The following PARD3 variants were observed in gnomAD, a reference collection of about 807,000 sequenced individuals.
The protein encoded by PARD3 is partitioning defective 3 homolog.
A neutral mutation model predicts 155.4 loss-of-function variants in PARD3; 75 were observed. The observed-to-expected ratio is 0.48, with a 90% confidence interval of 0.40 to 0.58. The LOEUF is 0.58. PARD3 is among the 20% of genes least tolerant of loss of function. The probability of loss-of-function intolerance (pLI) is 0.00; values close to 1 mark genes in which losing one functional copy is unlikely to be tolerated. For synonymous variants in PARD3, 576 were observed against 610.5 expected, an observed-to-expected ratio of 0.94 and a Z score of 0.83; for missense variants, 1,642 against 1,721.7, an observed-to-expected ratio of 0.95 and a Z score of 0.82.
chr10:34,516,200 G>A (rs1476371831), intron 3 of PARD3, among the ~76,000 whole-genome samples: 2 of 151,998 alleles, frequency 1.3e-5, no homozygotes, highest in South Asian at 2.1e-4. Context: ...CCTGACCTCA[G>A]GTGATCCGCC....
At chr10:34,371,501 A>C (rs1356980104) in intron 12 of PARD3, among the ~76,000 whole-genome samples, 6 of 79,702 alleles carry the variant, frequency 7.5e-5, no homozygotes, top group African/African-American at 4.6e-4. Flanking sequence ...AAAAAAAAAA[A>C]AAAAAAAAAA....
At chr10:34,420,953 G>A (rs964507558) in intron 5 of PARD3, among the ~76,000 whole-genome samples, 14 of 152,162 alleles carry the variant, frequency 9.2e-5, no homozygotes, top group Non-Finnish European at 2.1e-4. Context: ...AGGTCGGGGG[G>A]ATTGCTTGAG....
intron 14 of PARD3, among the ~76,000 whole-genome samples, chr10:34,355,763 C>T (rs528239037): frequency 6.6e-5 from 10 of 151,566 alleles, no homozygotes; most frequent in Non-Finnish European, 1.3e-4. Context: ...CCCATCTCTA[C>T]CAAAAATACA....
At chr10:34,700,326 C>T (rs947786668) in intron 1 of PARD3, among the ~76,000 whole-genome samples, 4 of 152,168 alleles carry the variant, frequency 2.6e-5, no homozygotes, top group African/African-American at 7.2e-5. Flanking sequence ...GGTAACTCTA[C>T]AAGATGCAAG....
At chr10:34,750,868 T>C (rs1835944878) in intron 1 of PARD3, among the ~76,000 whole-genome samples, 1 of 152,120 alleles carries the variant, frequency 6.6e-6, no homozygotes, top group Admixed American at 6.6e-5. Flanking sequence ...TTTGTATTTT[T>C]AGTAGAGACG....
At chr10:34,430,442 T>C (rs1231284241) in intron 5 of PARD3, among the ~76,000 whole-genome samples, 1 of 152,190 alleles carries the variant, frequency 6.6e-6, no homozygotes, top group African/African-American at 2.4e-5. Context: ...ATCAAAAATT[T>C]GTAGCAATCA....
At chr10:34,150,844 T>G (rs1383303101) in intron 22 of PARD3, among the ~76,000 whole-genome samples, 1 of 152,186 alleles carries the variant, frequency 6.6e-6, no homozygotes, top group African/African-American at 2.4e-5. Flanking sequence ...CTCTAAAGTA[T>G]TATCATAATT....
intron 2 of PARD3, among the ~76,000 whole-genome samples, chr10:34,614,124 TA>T (rs1339324234): frequency 6.6e-6 from 1 of 152,190 alleles, no homozygotes; most frequent in South Asian, 2.1e-4. Context: ...TTTCCTACTG[TA>T]AAAATGTATT....
At chr10:34,258,965 A>C (rs1954806938) in intron 22 of PARD3, among the ~76,000 whole-genome samples, 1 of 151,986 alleles carries the variant, frequency 6.6e-6, no homozygotes, top group Non-Finnish European at 1.5e-5. Flanking sequence ...GCTACTCGAG[A>C]GGCTGAGGTG....
chr10:34,519,711 G>A (rs12761562), intron 2 of PARD3, among the ~76,000 whole-genome samples: 1 of 152,094 alleles, frequency 6.6e-6, no homozygotes, highest in Non-Finnish European at 1.5e-5. Context: ...CTACTCGGGA[G>A]ACTGAGGCAG....
intron 22 of PARD3, among the ~76,000 whole-genome samples, chr10:34,241,356 G>A (rs1159472531): frequency 1.3e-5 from 2 of 152,168 alleles, no homozygotes; most frequent in African/African-American, 4.8e-5. Context: ...AGTGCAAGGA[G>A]GCCAGCGTGG....
At chr10:34,353,237 A>G (rs1838376478) in intron 14 of PARD3, among the ~76,000 whole-genome samples, 1 of 152,214 alleles carries the variant, frequency 6.6e-6, no homozygotes, top group Admixed American at 6.5e-5. Context: ...CTCATTGAGA[A>G]CGGGCCATGA....
intron 1 of PARD3, among the ~76,000 whole-genome samples, chr10:34,734,322 C>CTTTTTTTTTTTTT (rs142307338): frequency 1.5e-5 from 1 of 68,008 alleles, no homozygotes; most frequent in African/African-American, 6.0e-5. Context: ...ATATGGGGCC[C>CTTTTTTTTTTTTT]TTTTTTTTTT....
At chr10:34,294,675 T>C (rs181335102) in intron 20 of PARD3, among the ~76,000 whole-genome samples, 2 of 152,220 alleles carry the variant, frequency 1.3e-5, no homozygotes, top group Non-Finnish European at 2.9e-5. Flanking sequence ...GGAGCTGACA[T>C]GTTTTTAAGG....
chr10:34,677,298 T>G (rs368149111), intron 2 of PARD3, among the ~76,000 whole-genome samples: 1 of 151,484 alleles, frequency 6.6e-6, no homozygotes, highest in Non-Finnish European at 1.5e-5. Context: ...CTGGGCAACA[T>G]AGTGAGACCC....
chr10:34,145,221 A>ATTTTTTTTTTTTTTTTT (rs57442429), intron 22 of PARD3, among the ~76,000 whole-genome samples: 1 of 33,972 alleles, frequency 2.9e-5, no homozygotes, highest in African/African-American at 1.4e-4. Flanking sequence ...ATATATATAT[A>ATTTTTTTTTTTTTTTTT]TTTTTTTTTT....
At chr10:34,147,990 C>T (rs1948599853) in intron 22 of PARD3, among the ~76,000 whole-genome samples, 1 of 152,124 alleles carries the variant, frequency 6.6e-6, no homozygotes, top group Non-Finnish European at 1.5e-5. Context: ...TGGAACACTG[C>T]CTTGCCTGTA....
intron 2 of PARD3, among the ~76,000 whole-genome samples, chr10:34,533,071 G>A (rs535208749): frequency 5.9e-5 from 9 of 152,090 alleles, no homozygotes; most frequent in Non-Finnish European, 2.9e-5. Flanking sequence ...ATATCTAAAC[G>A]TATCTAACCA....
rs34163907 is a variant in PARD3, at chr10:34,725,153, C to CAGAG, written c.121-28738_121-28735dup. Among the ~76,000 whole-genome samples, 13 of 127,554 alleles carry CAGAG rather than the reference C, an allele frequency of 1.0e-4. 1 individual carries two copies. The highest frequency in any genetic ancestry group is 7.7e-4 in the South Asian group (3 of 3,894). 83.7% of individuals were successfully genotyped at this position (127,554 alleles called of 152,430 possible). ...TGTGTGTGTGTGTGTGTGTGTGTGA[C>CAGAG]AGAGAGAGAGAGAGAGAGAGACGGA... On this transcript the variant is annotated intron_variant, in intron 1 of 24. Transcript: ENST00000374788.
Sources: gnomAD v4.1 joint callset for allele counts (sites outside exome capture counted in the v4.1 genomes callset) on GRCh38, gnomAD v4.1.1 for gene constraint, MANE v1.5 for transcripts, NCBI Gene and HGNC (gene_info 2026-07-23, HGNC 2026-07-21) for gene names.